The following TBX15 variants were observed in gnomAD, a reference collection of about 807,000 sequenced individuals.
TBX15 encodes the protein T-box transcription factor TBX15.
TBX15 carries 18 observed loss-of-function variants against 53.9 expected under a neutral mutation model. That is an observed-to-expected ratio of 0.33 (90% confidence interval 0.23 to 0.49). The LOEUF (loss-of-function observed/expected upper bound fraction) is 0.49. Ranked by LOEUF, TBX15 falls within the 20% of genes least tolerant of loss-of-function variation. The pLI is 0.98. For missense variants in TBX15, 692 were observed against 749.5 expected, an observed-to-expected ratio of 0.92 and a Z score of 0.90; for synonymous variants, 295 against 278.0, an observed-to-expected ratio of 1.06 and a Z score of -0.61.
intron 1 of TBX15, among the ~76,000 whole-genome samples, chr1:118,937,410 A>G (rs2101626348): frequency 6.6e-6 from 1 of 152,308 alleles, no homozygotes; most frequent in East Asian, 1.9e-4. Context: ...CTTGGGTGTC[A>G]GGATATGGAG....
intron 1 of TBX15, among the ~76,000 whole-genome samples, chr1:118,983,297 C>G (rs1328510567): frequency 6.6e-6 from 1 of 152,212 alleles, no homozygotes; most frequent in Non-Finnish European, 1.5e-5. Flanking sequence ...GTGCAGTTTG[C>G]TGTGGTCATT....
chr1:118,884,580 G>GTTCTTGGGTATATGTC lies in TBX15; in HGVS notation c.*136_*151dup, dbSNP rs1553216736. 1.1e-6 allele frequency: 1 copy of GTTCTTGGGTATATGTC among 905,778 alleles called. No homozygotes were observed. The highest frequency in any genetic ancestry group is 1.6e-6 in the Non-Finnish European group (1 of 624,982). 56.1% of individuals were successfully genotyped at this position (905,778 alleles called of 1,614,324 possible). A position where few individuals can be genotyped will look rare whatever the true frequency, so the allele number is the denominator to read the frequency against. Reference sequence around the variant, plus strand: ...CTTCACTGGCTTAAAGGTATCTCTTGTTCTTGGGTATATGTCTTCGGCCAG... The same window carrying GTTCTTGGGTATATGTC: ...CTTCACTGGCTTAAAGGTATCTCTTGTTCTTGGGTATATGTCTTCTTGGGTATATGTCTTCGGCCAG... On this transcript the variant is annotated 3_prime_UTR_variant, in exon 8 of 8. Coordinates refer to ENST00000369429, the MANE Select transcript of TBX15 (RefSeq NM_001330677.2).
intron 3 of TBX15, among the ~76,000 whole-genome samples, chr1:118,925,870 G>T (rs1309063292): frequency 6.6e-6 from 1 of 151,376 alleles, no homozygotes; most frequent in African/African-American, 2.4e-5. Flanking sequence ...ATGATTTACT[G>T]ATTTGAGTGA....
At chr1:118,935,806 G>T (rs1433376299) in intron 1 of TBX15, among the ~76,000 whole-genome samples, 4 of 152,192 alleles carry the variant, frequency 2.6e-5, no homozygotes, top group South Asian at 2.1e-4. Context: ...AATAATAAAA[G>T]AACTTTTAAT....
intron 7 of TBX15, among the ~76,000 whole-genome samples, chr1:118,895,048 C>G (rs1039478719): frequency 1.3e-5 from 2 of 152,188 alleles, no homozygotes; most frequent in Non-Finnish European, 2.9e-5. Context: ...TTCAATGGCT[C>G]ATGTCCACTA....
intron 1 of TBX15, among the ~76,000 whole-genome samples, chr1:118,942,818 G>A (rs1408051719): frequency 1.3e-5 from 2 of 152,166 alleles, no homozygotes; most frequent in African/African-American, 4.8e-5. Flanking sequence ...GGATAAAATG[G>A]GGAAAGGATC....
intron 5 of TBX15, among the ~76,000 whole-genome samples, 187 bp from the exon 6 acceptor site, chr1:118,914,366 C>T (rs1029010145): frequency 2.6e-5 from 4 of 152,074 alleles, no homozygotes; most frequent in Non-Finnish European, 5.9e-5. Context: ...CTGACCCACC[C>T]GACTCACTTC....
At chr1:118,972,659 C>T (rs928645274) in intron 1 of TBX15, among the ~76,000 whole-genome samples, 1 of 152,028 alleles carries the variant, frequency 6.6e-6, no homozygotes, top group Non-Finnish European at 1.5e-5. Context: ...AGTGTAGCGG[C>T]GCAATCTCAG....
intron 7 of TBX15, among the ~76,000 whole-genome samples, chr1:118,890,630 T>C (rs1654106762): frequency 6.6e-6 from 1 of 152,202 alleles, no homozygotes; most frequent in African/African-American, 2.4e-5. Flanking sequence ...TAACCTAGAA[T>C]ATACTTGTTT....
chr1:118,901,249 G>T, intron 6 of TBX15: 1 of 419,840 alleles, frequency 2.4e-6, no homozygotes, highest in Non-Finnish European at 4.8e-6. Context: ...AGGGGCCTTT[G>T]TGCTGAGTCA....
intron 1 of TBX15, among the ~76,000 whole-genome samples, chr1:118,965,566 C>T (rs1479358587): frequency 1.3e-5 from 2 of 152,158 alleles, no homozygotes; most frequent in Non-Finnish European, 2.9e-5. Flanking sequence ...CTGTACAACT[C>T]TACTCTACTT....
At chr1:118,890,680 G>A (rs1189255103) in intron 7 of TBX15, among the ~76,000 whole-genome samples, 1 of 152,088 alleles carries the variant, frequency 6.6e-6, no homozygotes, top group Non-Finnish European at 1.5e-5. Context: ...TGAAAATCCT[G>A]AATACTAAAC....
chr1:118,975,225 G>T (rs937661260), intron 1 of TBX15, among the ~76,000 whole-genome samples: 1 of 152,174 alleles, frequency 6.6e-6, no homozygotes, highest in Non-Finnish European at 1.5e-5. Context: ...TGTCGGGAAG[G>T]CTGCACGTGT....
chr1:118,948,142 T>C (rs1656402417), intron 1 of TBX15, among the ~76,000 whole-genome samples: 1 of 152,128 alleles, frequency 6.6e-6, no homozygotes, highest in Non-Finnish European at 1.5e-5. Context: ...AGTCAGGGTC[T>C]CTATTATGCT....
intron 1 of TBX15, among the ~76,000 whole-genome samples, chr1:118,966,035 G>A (rs543640223): frequency 6.6e-6 from 1 of 152,242 alleles, no homozygotes; most frequent in East Asian, 1.9e-4. Context: ...ATTTTGGGCT[G>A]TTTGGATTTT....
intron 1 of TBX15, among the ~76,000 whole-genome samples, chr1:118,940,996 C>A (rs1656160150): frequency 6.7e-6 from 1 of 149,782 alleles, no homozygotes; most frequent in African/African-American, 2.6e-5. Flanking sequence ...GGGTGGTCTT[C>A]AAGATTTACC....
At chr1:118,921,092 T>TGGCTTGATCCCAGGAGGCC (rs1347169766) in intron 5 of TBX15, among the ~76,000 whole-genome samples, 9 of 151,976 alleles carry the variant, frequency 5.9e-5, no homozygotes, top group Non-Finnish European at 1.2e-4. Flanking sequence ...CACAGGAGGA[T>TGGCTTGATCCCAGGAGGCC]GGCTTGATCC....
chr1:118,951,870 G>A (rs1656526327), intron 1 of TBX15, among the ~76,000 whole-genome samples: 1 of 152,194 alleles, frequency 6.6e-6, no homozygotes, highest in Non-Finnish European at 1.5e-5. Flanking sequence ...GGGTGGGAGG[G>A]CCCTGCTCCT....
At chr1:118,930,400 A>G (rs1327478785) in intron 2 of TBX15, among the ~76,000 whole-genome samples, 1 of 152,096 alleles carries the variant, frequency 6.6e-6, no homozygotes, top group Non-Finnish European at 1.5e-5. Context: ...AAATGTATTT[A>G]TTTATTTATT....
Sources: allele counts gnomAD v4.1 joint callset (sites outside exome capture counted in the v4.1 genomes callset), GRCh38; gene constraint gnomAD v4.1.1; transcripts MANE v1.5; gene names NCBI Gene and HGNC (gene_info 2026-07-23, HGNC 2026-07-21).